Variants in MYO10 observed in about 807,000 individuals in gnomAD.
MYO10 encodes unconventional myosin-X.
MYO10 carries 133 observed loss-of-function variants against 257.3 expected under a neutral mutation model. The ratio of observed to expected loss-of-function variants is 0.52; its 90% CI spans 0.45 to 0.60. The LOEUF is 0.60. Ranked by LOEUF, MYO10 falls within the 20% of genes least tolerant of loss-of-function variation. MYO10 has a pLI of 0.00. For synonymous variants in MYO10, 1,104 were observed against 1,028.6 expected (o/e 1.07, Z -1.40); for missense variants, 2,399 against 2,635.7 (o/e 0.91, Z 1.97).
At chr5:16,799,475 C>G (rs1742056591) in intron 3 of MYO10, among the ~76,000 whole-genome samples, 1 of 150,488 alleles carries the variant, frequency 6.6e-6, no homozygotes, top group Non-Finnish European at 1.5e-5. Flanking sequence ...CCAGAATCAG[C>G]AGTGCTTTAG....
At chr5:16,840,835 T>C (rs536406485) in intron 2 of MYO10, among the ~76,000 whole-genome samples, 7 of 151,934 alleles carry the variant, frequency 4.6e-5, no homozygotes, top group African/African-American at 1.7e-4. Flanking sequence ...ATCTTTAAAA[T>C]TTTTTTTAAA....
chr5:16,806,935 T>C (rs956603666), intron 3 of MYO10, among the ~76,000 whole-genome samples: 1 of 152,238 alleles, frequency 6.6e-6, no homozygotes, highest in African/African-American at 2.4e-5. Flanking sequence ...ATCAGAGGTA[T>C]GTATCATCGC....
chr5:16,760,962 ATATTAT>A (rs149691790), intron 17 of MYO10, among the ~76,000 whole-genome samples: 10 of 150,664 alleles, frequency 6.6e-5, no homozygotes, highest in South Asian at 2.1e-4. Flanking sequence ...GTCATTGCTT[ATATTAT>A]TATTATTATT....
intron 1 of MYO10, among the ~76,000 whole-genome samples, chr5:16,893,870 A>G (rs903608366): frequency 6.6e-6 from 1 of 152,084 alleles, no homozygotes; most frequent in Admixed American, 6.6e-5. Flanking sequence ...CTCTTCTCCG[A>G]GGACACAGCC....
intron 3 of MYO10, among the ~76,000 whole-genome samples, chr5:16,808,090 T>C (rs776497485): frequency 4.6e-5 from 7 of 152,210 alleles, no homozygotes; most frequent in Non-Finnish European, 1.0e-4. Context: ...AATAAATTCA[T>C]GTTTTAACTG....
intron 1 of MYO10, among the ~76,000 whole-genome samples, chr5:16,882,707 A>G (rs1437038860): frequency 6.6e-6 from 1 of 152,202 alleles, no homozygotes; most frequent in Admixed American, 6.5e-5. Context: ...AGGCAAATCC[A>G]TAGACACAGA....
At chr5:16,721,944 T>G (rs1739168779) in intron 19 of MYO10, among the ~76,000 whole-genome samples, 1 of 152,234 alleles carries the variant, frequency 6.6e-6, no homozygotes, top group African/African-American at 2.4e-5. Flanking sequence ...CCTCACAGTA[T>G]GGCTCCAATT....
chr5:16,703,456 CA>C (rs1190669826), intron 22 of MYO10, among the ~76,000 whole-genome samples: 4 of 152,144 alleles, frequency 2.6e-5, no homozygotes, highest in Admixed American at 2.6e-4. Flanking sequence ...AAATAGTTCC[CA>C]AAGAGATCTG....
chr5:16,778,692 T>G (rs1350354719), intron 9 of MYO10, among the ~76,000 whole-genome samples: 1 of 15,016 alleles, frequency 6.7e-5, no homozygotes, highest in African/African-American at 1.1e-4. Context: ...GCTGAGGTTT[T>G]TTTTTTTTTT....
intron 3 of MYO10, among the ~76,000 whole-genome samples, chr5:16,811,081 A>C (rs1028491346): frequency 2.6e-5 from 4 of 151,828 alleles, no homozygotes; most frequent in Admixed American, 6.6e-5. Context: ...AAAAAAAAAA[A>C]AAAACAAAAA....
chr5:16,797,279 G>A (rs59419021), intron 3 of MYO10, among the ~76,000 whole-genome samples: 3,887 of 152,246 alleles, frequency 0.026, 180 homozygotes, highest in African/African-American at 0.089. Context: ...GATGAGGGAT[G>A]CCCAACTGGT....
chr5:16,919,024 A>T (rs1026933261), intron 1 of MYO10, among the ~76,000 whole-genome samples: 1 of 152,148 alleles, frequency 6.6e-6, no homozygotes, highest in African/African-American at 2.4e-5. Flanking sequence ...CTCTGTATGG[A>T]GAAGCAAATA....
Position 16,664,765 on chromosome 5 carries a change from T to A in MYO10, c.*1927A>T, listed in dbSNP as rs1736088849. On this transcript the variant is annotated 3_prime_UTR_variant, in exon 41 of 41. Transcript: ENST00000513610. ...TCTGACATAAACACATTTCAAGTCC[T>A]CAGCTGTGTGTGACTTCATTTACCA... 6.6e-6 allele frequency: 1 copy of A among 152,184 alleles called. No individual in the cohort carries two copies. The highest frequency in any genetic ancestry group is 1.5e-5 in the Non-Finnish European group (1 of 68,034). 9.4% of individuals were successfully genotyped at this position (152,184 alleles called of 1,614,324 possible).
chr5:16,825,864 G>T (rs530208874), intron 2 of MYO10, among the ~76,000 whole-genome samples: 2 of 152,070 alleles, frequency 1.3e-5, no homozygotes, highest in Non-Finnish European at 2.9e-5. Flanking sequence ...ACAAAACCAG[G>T]CCGGGCACGG....
At chr5:16,748,723 A>G (rs1740292018) in intron 19 of MYO10, among the ~76,000 whole-genome samples, 1 of 152,140 alleles carries the variant, frequency 6.6e-6, no homozygotes. Context: ...TTCATTCATC[A>G]AATTATTACA....
In MYO10 at chr5:16,705,718, C is replaced by A. The variant is rs1359949827; in HGVS notation, c.2170-1033G>T. ...TTTTTCCAGGTTCTCTGCTCTGTGT[C>A]CTCCATGACATTTGGGCAAAAAAGC... On this transcript the variant is annotated intron_variant, in intron 21 of 40. Coordinates refer to ENST00000513610, the MANE Select transcript of MYO10 (RefSeq NM_012334.3). 2.1e-4 allele frequency among the ~76,000 whole-genome samples: 32 copies of A among 152,106 alleles called. 1 individual carries two copies. The highest frequency in any genetic ancestry group is 2.1e-3 in the Admixed American group (32 of 15,282).
At chr5:16,684,268 CAG>C (rs1737141273) in intron 29 of MYO10, among the ~76,000 whole-genome samples, 2 of 152,136 alleles carry the variant, frequency 1.3e-5, no homozygotes, top group African/African-American at 2.4e-5. Flanking sequence ...GTTTTTGAAA[CAG>C]AGTTTCACTC....
At chr5:16,752,051 C>T (rs1359302234) in intron 19 of MYO10, among the ~76,000 whole-genome samples, 1 of 152,088 alleles carries the variant, frequency 6.6e-6, no homozygotes, top group Non-Finnish European at 1.5e-5. Context: ...AAAGCTAGTA[C>T]AATTTATAGG....
At chr5:16,855,381 T>C (rs1743932431) in intron 2 of MYO10, among the ~76,000 whole-genome samples, 1 of 152,118 alleles carries the variant, frequency 6.6e-6, no homozygotes, top group Admixed American at 6.5e-5. Flanking sequence ...CAAACATCCA[T>C]GAGGCCCATG....
Sources: gnomAD v4.1 joint callset for allele counts (sites outside exome capture counted in the v4.1 genomes callset) on GRCh38, gnomAD v4.1.1 for gene constraint, MANE v1.5 for transcripts, NCBI Gene and HGNC (gene_info 2026-07-23, HGNC 2026-07-21) for gene names.